BCL2L13: variants seen among roughly 807,000 people sequenced by gnomAD.
BCL2L13 encodes bcl-2-like protein 13.
BCL2L13 carries 13 observed loss-of-function variants against 25.8 expected under a neutral mutation model. The observed-to-expected ratio is 0.50, with a 90% CI of 0.33 to 0.80. The LOEUF (loss-of-function observed/expected upper bound fraction) is 0.80. Ranked by LOEUF, BCL2L13 falls within the 30% of genes least tolerant of loss-of-function variation. The probability of loss-of-function intolerance (pLI) is 0.02; values close to 1 mark genes in which losing one functional copy is unlikely to be tolerated. For synonymous variants in BCL2L13, 244 were observed against 230.3 expected, an observed-to-expected ratio of 1.06 and a Z score of -0.54; for missense variants, 504 against 574.9, an observed-to-expected ratio of 0.88 and a Z score of 1.26.
chr22:17,701,794 C>T (rs909839713), intron 5 of BCL2L13, among the ~76,000 whole-genome samples: 3 of 151,728 alleles, frequency 2.0e-5, no homozygotes, highest in African/African-American at 4.8e-5. Flanking sequence ...GGCGTCATGG[C>T]GTACACTTGT....
chr22:17,685,760 C>CTTTTTCTTTTTTTTTT (rs1284074134), intron 3 of BCL2L13, among the ~76,000 whole-genome samples: 41 of 60,572 alleles, frequency 6.8e-4, no homozygotes, highest in Non-Finnish European at 8.2e-4. Flanking sequence ...TTTTCTTTTT[C>CTTTTTCTTTTTTTTTT]TTTTTTTTTT....
chr22:17,726,783 G>C lies in BCL2L13; in HGVS notation c.707G>C (p.Ser236Thr). The change falls in exon 7 of 7, where the codon AGT becomes ACT. Residue 236 changes from serine to threonine, a missense_variant. Physicochemically the swap from Ser to Thr is moderately conservative, Grantham distance 58. Coordinates refer to ENST00000317582, the MANE Select transcript of BCL2L13 (RefSeq NM_015367.4). ...ILPSDNSGQV[S>T]PPESPTVTTS... ...CCCAGCGACAACTCTGGACAAGTCA[G>C]TCCCCCAGAGTCTCCAACTGTGACC... 1 of 1,614,216 alleles carries C rather than the reference G, an allele frequency of 6.2e-7. No homozygotes were observed.
intron 1 of BCL2L13, among the ~76,000 whole-genome samples, chr22:17,630,115 G>A (rs1254091871): frequency 1.3e-5 from 2 of 151,544 alleles, no homozygotes; most frequent in African/African-American, 4.9e-5. Context: ...CCACTGGAGA[G>A]GCTGAGGCAG....
At chr22:17,636,988 T>C (rs1269160177), upstream of BCL2L13, among the ~76,000 whole-genome samples, 1 of 151,992 alleles carries the variant, frequency 6.6e-6, no homozygotes, top group African/African-American at 2.4e-5. Context: ...AAAGTAAAAT[T>C]AGGGCCGGGC....
intron 2 of BCL2L13, among the ~76,000 whole-genome samples, chr22:17,669,299 T>G (rs1443604695): frequency 3.9e-5 from 6 of 152,200 alleles, no homozygotes; most frequent in Non-Finnish European, 5.9e-5. Context: ...CCCACAGTGC[T>G]GGGATTACAG....
At chr22:17,721,681 C>T (rs537097711) in intron 6 of BCL2L13, among the ~76,000 whole-genome samples, 54 of 152,220 alleles carry the variant, frequency 3.5e-4, no homozygotes, top group African/African-American at 1.2e-3. Context: ...TGTGCCACCA[C>T]GCCTGGCTAA....
At chr22:17,641,798 G>GT (rs35688861) in intron 1 of BCL2L13, among the ~76,000 whole-genome samples, 3,301 of 133,636 alleles carry the variant, frequency 0.025, 59 homozygotes, top group East Asian at 0.05. Flanking sequence ...CATAATATGT[G>GT]TTTTTTTTTT....
At position 17,722,314 on chromosome 22, in the gene BCL2L13, A is replaced by G. The variant is rs114075602; in HGVS notation, c.601-4363A>G. On this transcript the variant is annotated intron_variant, in intron 6 of 6. Coordinates refer to ENST00000317582, the MANE Select transcript of BCL2L13 (RefSeq NM_015367.4). ...CACGATCATAGCTCAGTGCAGACTC[A>G]AACTCCTGGGCTCAAGGGATCATCC... Among the ~76,000 whole-genome samples, 519 of 151,796 alleles carry G rather than the reference A, an allele frequency of 3.4e-3. 1 individual carries two copies. Among genetic ancestry groups the G allele is most frequent in the African/African-American group, 0.012 (492 of 41,374 alleles).
At chr22:17,693,372 G>GGTTGGTTTTT in intron 4 of BCL2L13, among the ~76,000 whole-genome samples, 1 of 70,612 alleles carries the variant, frequency 1.4e-5, no homozygotes, top group Middle Eastern at 7.7e-3. Context: ...TTTAGTGTTT[G>GGTTGGTTTTT]TTTTTTTTTT....
At position 17,679,617 on chromosome 22, in the gene BCL2L13, A is replaced by T. The variant is rs996144356; in HGVS notation, c.122-3597A>T. Among the ~76,000 whole-genome samples the T allele has an allele frequency of 1.5e-4, 23 of 151,938 alleles. 1 individual carries two copies. The highest frequency in any genetic ancestry group is 6.6e-5 in the Admixed American group (1 of 15,230). ...ATTTTTTGTTTAAATGTTCTGTAGT[A>T]CTGAAATCACCTGAAAGTAGAAGAA... is the stretch of plus-strand genomic sequence containing the variant. On this transcript the variant is annotated intron_variant, in intron 2 of 6. Coordinates refer to ENST00000317582, the MANE Select transcript of BCL2L13 (RefSeq NM_015367.4).
chr22:17,707,745 T>C (rs1187830538), intron 6 of BCL2L13, among the ~76,000 whole-genome samples: 1 of 152,178 alleles, frequency 6.6e-6, no homozygotes, highest in African/African-American at 2.4e-5. Flanking sequence ...CCAACGTAGA[T>C]GGGCTTTGGA....
Position 17,638,798 on chromosome 22 carries a change from C to G in BCL2L13, c.-139C>G. 1 of 1,231,860 alleles carries G rather than the reference C, an allele frequency of 8.1e-7. No homozygotes were observed. Among genetic ancestry groups the G allele is most frequent in the East Asian group, 3.2e-5 (1 of 31,702 alleles). The allele number at this position is 1,231,860 out of a possible 1,614,324, so 76.3% of individuals were successfully genotyped here. Reference sequence around the variant, plus strand: ...GCGGCGGTAGATTAGGGCCGCGGGTCGGAGCACTCACCGCCGCTGGGGGAC... The same window carrying G: ...GCGGCGGTAGATTAGGGCCGCGGGTGGGAGCACTCACCGCCGCTGGGGGAC... On this transcript the variant is annotated 5_prime_UTR_variant, in exon 1 of 7. Coordinates refer to ENST00000317582, the MANE Select transcript of BCL2L13 (RefSeq NM_015367.4).
rs965773376 is a variant in BCL2L13 at position 17,730,195 on chromosome 22, A to G, written c.*2661A>G. On this transcript the variant is annotated 3_prime_UTR_variant, in exon 7 of 7. Coordinates refer to ENST00000317582, the MANE Select transcript of BCL2L13 (RefSeq NM_015367.4). The stretch of plus-strand genomic sequence containing the variant: ...AATTTATCCTCTCTGTATTAAAGTG[A>G]TAATTCTGGGCCCACAGAAATCAGT... The G allele has an allele frequency of 6.6e-6, 1 of 152,212 alleles. No individual in the cohort carries two copies. The highest frequency in any genetic ancestry group is 1.5e-5 in the Non-Finnish European group (1 of 68,044). The allele number at this position is 152,212 out of a possible 1,614,324, so 9.4% of individuals were successfully genotyped here. A position where few individuals can be genotyped will look rare whatever the true frequency, so the allele number is the denominator to read the frequency against.
At position 17,632,271 on chromosome 22, in the gene BCL2L13, GATTGGTGTACAT is replaced by G. The variant is rs1388754889; in HGVS notation, c.-650+3273_-650+3284del. 2.0e-5 allele frequency among the ~76,000 whole-genome samples: 3 copies of G among 152,232 alleles called. No individual in the cohort carries two copies. The East Asian group carries it at 5.8e-4, about 29-fold the overall frequency. On this transcript the variant is annotated intron_variant, in intron 1 of 6. Coordinates refer to the BCL2L13 transcript ENST00000399782. Reference sequence around the variant, plus strand: ...AGTGCACAGTGTTCCTTGTAGGACAGATTGGTGTACATATTGGTATATATATTTGAGAGTACT... The same window carrying G: ...AGTGCACAGTGTTCCTTGTAGGACAGATTGGTATATATATTTGAGAGTACT...
chr22:17,660,751 T>A (rs2059037219), intron 2 of BCL2L13, among the ~76,000 whole-genome samples: 1 of 146,262 alleles, frequency 6.8e-6, no homozygotes, highest in East Asian at 1.9e-4. Flanking sequence ...AATTTAACTA[T>A]TTCAACTTTT....
intron 5 of BCL2L13, among the ~76,000 whole-genome samples, chr22:17,700,179 C>T (rs1183082352): frequency 1.3e-5 from 2 of 152,090 alleles, no homozygotes; most frequent in African/African-American, 2.4e-5. Context: ...GAAAAGGGAA[C>T]TTAAGTGATC....
At chr22:17,638,418 A>G, upstream of BCL2L13, 1 of 359,442 alleles carries the variant, frequency 2.8e-6, no homozygotes, top group Non-Finnish European at 5.0e-6. Flanking sequence ...CCCTTGGCAA[A>G]CACTTGAAAC....
At position 17,655,662 on chromosome 22, in the gene BCL2L13, G is replaced by A. The variant is rs766323359; in HGVS notation, c.-50G>A. ...GAAAAAATTACTTTTTTGTTCTTAG[G>A]TTTTACACATCCATAAGTAGACCTT... On this transcript the variant is annotated splice_region_variant and 5_prime_UTR_variant, in exon 2 of 7. Coordinates refer to ENST00000317582, the MANE Select transcript of BCL2L13 (RefSeq NM_015367.4). The A allele has an allele frequency of 3.2e-6, 5 of 1,567,070 alleles. No individual in the cohort carries two copies. The highest frequency in any genetic ancestry group is 2.0e-5 in the Admixed American group (1 of 49,742).
chr22:17,694,038 G>A (rs1465484028), intron 4 of BCL2L13, among the ~76,000 whole-genome samples: 1 of 152,060 alleles, frequency 6.6e-6, no homozygotes, highest in South Asian at 2.1e-4. Context: ...GATTACAGGC[G>A]TGAGCCACTG....
Sources: gnomAD v4.1 joint callset for allele counts (sites outside exome capture counted in the v4.1 genomes callset) on GRCh38, gnomAD v4.1.1 for gene constraint, MANE v1.5 for transcripts, NCBI Gene and HGNC (gene_info 2026-07-23, HGNC 2026-07-21) for gene names.